Variants in PYGB observed in about 807,000 individuals in gnomAD.
PYGB encodes the protein glycogen phosphorylase, brain form.
Under a neutral mutation model 94.3 loss-of-function variants are expected in PYGB, and 82 were observed. The observed-to-expected ratio is 0.87, with a 90% CI of 0.73 to 1.04. The LOEUF is 1.04. Ranked by LOEUF, PYGB falls within the 50% of genes least tolerant of loss-of-function variation. The pLI is 0.00. For synonymous variants in PYGB, 488 were observed against 479.1 expected (o/e 1.02, Z -0.24); for missense variants, 1,132 against 1,158.2 (o/e 0.98, Z 0.33).
rs770567869 is a variant in PYGB at position 25,269,160 on chromosome 20, TAGA to T, written c.384_386del (p.Glu128del). 6.3e-6 allele frequency: 10 copies of T among 1,599,870 alleles called. No individual in the cohort carries two copies. Among genetic ancestry groups the T allele is most frequent in the East Asian group, 4.5e-5 (2 of 44,808 alleles). ...TTAGACTTGGAGGAACTCGAGGAGA[TAGA>T]AGAAGATGCTGGCCTTGGGAATGGA... On this transcript the variant is annotated inframe_deletion, in exon 3 of 20. Transcript: ENST00000216962.
chr20:25,273,287 A>G, intron 4 of PYGB, among the ~76,000 whole-genome samples: 1 of 152,160 alleles, frequency 6.6e-6, no homozygotes, highest in East Asian at 1.9e-4. Context: ...GGTGTTGGGG[A>G]ATCTCACAGC....
chr20:25,264,453 G>A (rs1225779630), intron 2 of PYGB, among the ~76,000 whole-genome samples: 2 of 152,052 alleles, frequency 1.3e-5, no homozygotes, highest in Non-Finnish European at 2.9e-5. Flanking sequence ...AGAAATAAAG[G>A]GTATTCAGTG....
At chr20:25,290,414 C>G in intron 15 of PYGB, 67 bp from the exon 16 acceptor site, 1 of 1,567,006 alleles carries the variant, frequency 6.4e-7, no homozygotes, top group Non-Finnish European at 8.8e-7. Flanking sequence ...ACCCCAGGAA[C>G]CAGGAGCGCC....
At chr20:25,281,862 A>G (rs554909198) in intron 11 of PYGB, among the ~76,000 whole-genome samples, 171 bp from the exon 12 acceptor site, 3 of 152,024 alleles carry the variant, frequency 2.0e-5, no homozygotes, top group South Asian at 4.2e-4. Context: ...CTGCCTTCGT[A>G]TGGCTCCCAG....
rs2088564992 is a variant in PYGB, at chr20:25,297,409, T to A, written c.*887T>A. ...CATTTTCTGCCTGGCAGGGGGCAGG[T>A]CTGTGCCCTCCCGCTGACTCCTGCT... On this transcript the variant is annotated 3_prime_UTR_variant, in exon 20 of 20. Coordinates refer to ENST00000216962, the MANE Select transcript of PYGB (RefSeq NM_002862.4). 6.6e-6 allele frequency: 1 copy of A among 152,560 alleles called. No homozygotes were observed. The highest frequency in any genetic ancestry group is 2.4e-5 in the African/African-American group (1 of 41,472). 9.5% of individuals were successfully genotyped at this position (152,560 alleles called of 1,614,324 possible).
intron 4 of PYGB, 77 bp from the exon 5 acceptor site, chr20:25,274,515 G>A (rs550363057): frequency 3.4e-5 from 52 of 1,539,416 alleles, no homozygotes; most frequent in Admixed American, 3.3e-4. Flanking sequence ...TCGACCGCAC[G>A]GTCTGCTGGG....
At position 25,269,815 on chromosome 20, in the gene PYGB, A is replaced by G. The variant is rs545726406; in HGVS notation, c.424+608A>G. On this transcript the variant is annotated intron_variant, in intron 3 of 19. Coordinates refer to ENST00000216962, the MANE Select transcript of PYGB (RefSeq NM_002862.4). ...CGCACATCTCATCTCCAAGCTGGAGACTGTGGACTGCTCCCTCCCCGGCCC... is the reference window on the plus strand; with the variant it reads ...CGCACATCTCATCTCCAAGCTGGAGGCTGTGGACTGCTCCCTCCCCGGCCC... Among the ~76,000 whole-genome samples, 14 of 152,066 alleles carry G rather than the reference A, an allele frequency of 9.2e-5. No individual in the cohort carries two copies. In the South Asian group the frequency reaches 1.9e-3, roughly 20 times the overall value.
chr20:25,274,811 G>T, intron 5 of PYGB, 88 bp downstream of exon 5: 5 of 1,513,360 alleles, frequency 3.3e-6, no homozygotes, highest in Non-Finnish European at 4.4e-6. Context: ...GCTTCTTTTG[G>T]CTTGGGGGGC....
Position 25,276,724 on chromosome 20 carries a change from G to T in PYGB, c.739G>T (p.Ala247Ser), listed in dbSNP as rs200914374. The T allele has an allele frequency of 2.2e-5, 35 of 1,613,852 alleles. No homozygotes were observed. The highest frequency in any genetic ancestry group is 2.8e-5 in the Non-Finnish European group (33 of 1,179,906). The change falls in exon 6 of 20, where the codon GCC (alanine) becomes TCC (serine). Residue 247 changes from alanine to serine, a missense_variant. Ala to Ser is a moderately conservative substitution (Grantham distance 99). Transcript: ENST00000216962. ...CGTCAACACCATGCGGCTGTGGTCC[G>T]CCAAGGCTCCCAACGACTTCAAGCT... is the stretch of plus-strand genomic sequence containing the variant. The part of the protein sequence containing the change: ...NTVNTMRLWS[A>S]KAPNDFKLQD...
intron 2 of PYGB, among the ~76,000 whole-genome samples, chr20:25,262,229 G>A (rs1291332349): frequency 6.6e-6 from 1 of 152,256 alleles, no homozygotes; most frequent in African/African-American, 2.4e-5. Flanking sequence ...CAACCAGAGA[G>A]AAAGGTTGGA....
chr20:25,290,326 G>A (rs2088454695), intron 15 of PYGB, among the ~76,000 whole-genome samples, 155 bp from the exon 16 acceptor site: 1 of 152,210 alleles, frequency 6.6e-6, no homozygotes, highest in African/African-American at 2.4e-5. Context: ...GGGGCCTTGG[G>A]GCCGGGGAGC....
chr20:25,291,621 C>T (rs1179678464), intron 16 of PYGB, among the ~76,000 whole-genome samples: 2 of 152,188 alleles, frequency 1.3e-5, no homozygotes, highest in Non-Finnish European at 2.9e-5. Flanking sequence ...AACTGTGGCT[C>T]GTCCTTCCCT....
rs1246532789 is a variant in PYGB at position 25,279,043 on chromosome 20, T to C, written c.1000-14T>C. On this transcript the variant is annotated splice_polypyrimidine_tract_variant and intron_variant, in intron 8 of 19. Transcript: ENST00000216962. ...GATGAAATGACTGAATGGCACCCCTTGTGCGACCTTCAGGTGGCCATCCAG... is the reference window on the plus strand; with the variant it reads ...GATGAAATGACTGAATGGCACCCCTCGTGCGACCTTCAGGTGGCCATCCAG... 6.2e-7 allele frequency: 1 copy of C among 1,605,616 alleles called. No homozygotes were observed. The highest frequency in any genetic ancestry group is 1.1e-5 in the South Asian group (1 of 90,566).
chr20:25,287,529 G>T (rs1568697140), intron 14 of PYGB, among the ~76,000 whole-genome samples: 1 of 152,156 alleles, frequency 6.6e-6, no homozygotes, highest in African/African-American at 2.4e-5. Flanking sequence ...GGTGCCTGTA[G>T]TCGCATCTAC....
intron 6 of PYGB, 39 bp downstream of exon 6, chr20:25,276,796 G>C: frequency 6.3e-7 from 1 of 1,582,132 alleles, no homozygotes; most frequent in Non-Finnish European, 8.7e-7. Context: ...TGTCCATGTG[G>C]GTGGCTGGTC....
intron 2 of PYGB, 44 bp downstream of exon 2, chr20:25,259,382 G>T: frequency 6.8e-7 from 1 of 1,462,254 alleles, no homozygotes; most frequent in Non-Finnish European, 9.6e-7. Context: ...CCCTCGTGGT[G>T]CTTTGAGGTC....
chr20:25,281,009 G>A lies in PYGB; in HGVS notation c.1300G>A (p.Glu434Lys), dbSNP rs199655911. The change falls in exon 11 of 20, where the codon GAG becomes AAG. Residue 434 changes from glutamate to lysine, a missense_variant. Transcript: ENST00000216962. ...DRLRRMSVIE[E>K]GDCKRINMAH... ...CCTGCGCAGGATGTCTGTGATCGAGGAGGGGGACTGCAAGCGGATCAACAT... is the reference window on the plus strand; with the variant it reads ...CCTGCGCAGGATGTCTGTGATCGAGAAGGGGGACTGCAAGCGGATCAACAT... 20 of 1,614,230 alleles carry A rather than the reference G, an allele frequency of 1.2e-5. No homozygotes were observed. In the Admixed American group the frequency reaches 1.5e-4, roughly 12 times the overall value.
intron 1 of PYGB, among the ~76,000 whole-genome samples, chr20:25,249,622 C>T (rs2092881802): frequency 6.6e-6 from 1 of 152,230 alleles, no homozygotes. Flanking sequence ...CTTTTCCAAA[C>T]TTATTCTGGG....
Position 25,255,215 on chromosome 20 carries a change from C to T in PYGB, c.244-4022C>T, listed in dbSNP as rs1321673353. Among the ~76,000 whole-genome samples, 3 of 152,346 alleles carry T rather than the reference C, an allele frequency of 2.0e-5. No individual in the cohort carries two copies. The East Asian group carries it at 5.8e-4, about 29-fold the overall frequency. On this transcript the variant is annotated intron_variant, in intron 1 of 19. Transcript: ENST00000216962. ...AACTCCCCAGAAGCCCCCTCAGACA[C>T]AGTGGAGTGGACACTGTGACACTGT...
Sources: allele counts gnomAD v4.1 joint callset (sites outside exome capture counted in the v4.1 genomes callset), GRCh38; gene constraint gnomAD v4.1.1; transcripts MANE v1.5; gene names NCBI Gene and HGNC (gene_info 2026-07-23, HGNC 2026-07-21).